Variants in CADM2 observed in about 807,000 individuals in gnomAD.
The protein encoded by CADM2 is immunoglobulin superfamily member 4D.
A neutral mutation model predicts 49.8 loss-of-function variants in CADM2; 12 were observed. That is an observed-to-expected ratio of 0.24 (90% CI 0.15 to 0.39). The LOEUF (loss-of-function observed/expected upper bound fraction) is 0.39. Ranked by LOEUF, CADM2 falls within the 10% of genes least tolerant of loss-of-function variation. The pLI, the probability that CADM2 is intolerant of heterozygous loss-of-function variation, is 1.00. For missense variants in CADM2, 378 were observed against 492.3 expected (o/e 0.77, Z 2.20); for synonymous variants, 214 against 175.4 (o/e 1.22, Z -1.74).
intron 1 of CADM2, among the ~76,000 whole-genome samples, chr3:85,052,385 A>G (rs902304489): frequency 2.0e-5 from 3 of 152,064 alleles, no homozygotes; most frequent in Non-Finnish European, 4.4e-5. Context: ...ACCCTACTCC[A>G]CAAACCCTGT....
At chr3:86,036,831 A>C (rs965238041) in intron 8 of CADM2, among the ~76,000 whole-genome samples, 6 of 152,196 alleles carry the variant, frequency 3.9e-5, no homozygotes, top group Non-Finnish European at 8.8e-5. Flanking sequence ...TGATGGTGGT[A>C]TGTGCCTGTT....
intron 1 of CADM2, among the ~76,000 whole-genome samples, chr3:85,596,092 ATATT>A (rs1397604383): frequency 9.9e-5 from 15 of 151,880 alleles, no homozygotes; most frequent in Admixed American, 7.9e-4. Flanking sequence ...TGCTTTCAGC[ATATT>A]TATTTATCTG....
At chr3:85,697,743 T>G (rs1215322013) in intron 1 of CADM2, among the ~76,000 whole-genome samples, 1 of 152,192 alleles carries the variant, frequency 6.6e-6, no homozygotes, top group Non-Finnish European at 1.5e-5. Context: ...AGTGTTCCAT[T>G]TCTTGGATTG....
intron 1 of CADM2, among the ~76,000 whole-genome samples, chr3:85,546,041 C>A (rs1190806115): frequency 6.6e-6 from 1 of 152,126 alleles, no homozygotes; most frequent in African/African-American, 2.4e-5. Context: ...ACATTCTATA[C>A]CTAAAATATA....
chr3:85,544,234 G>A (rs1412345435), intron 1 of CADM2, among the ~76,000 whole-genome samples: 1 of 152,144 alleles, frequency 6.6e-6, no homozygotes, highest in African/African-American at 2.4e-5. Flanking sequence ...TACAGTAAAG[G>A]AAGGCTGAAG....
At chr3:85,880,703 G>A (rs1184058055) in intron 3 of CADM2, among the ~76,000 whole-genome samples, 3 of 152,124 alleles carry the variant, frequency 2.0e-5, no homozygotes, top group Non-Finnish European at 4.4e-5. Context: ...ATTCTCTTGG[G>A]ATCCTTTCAA....
chr3:85,991,524 T>G (rs537522409), intron 8 of CADM2, among the ~76,000 whole-genome samples: 2 of 152,264 alleles, frequency 1.3e-5, no homozygotes, highest in East Asian at 3.9e-4. Context: ...CCTTGCCAAA[T>G]ATTAACACAC....
At chr3:85,084,886 A>G (rs1336610272) in intron 1 of CADM2, among the ~76,000 whole-genome samples, 1 of 152,010 alleles carries the variant, frequency 6.6e-6, no homozygotes, top group Non-Finnish European at 1.5e-5. Context: ...ATTCTTAATG[A>G]TAGGAGACCC....
At chr3:85,887,372 C>T (rs548731689) in intron 5 of CADM2, among the ~76,000 whole-genome samples, 1 of 152,312 alleles carries the variant, frequency 6.6e-6, no homozygotes, top group Admixed American at 6.5e-5. Flanking sequence ...TGTGAGCCAC[C>T]ATGCTCAGAC....
At chr3:84,968,054 G>A (rs943436575) in intron 1 of CADM2, among the ~76,000 whole-genome samples, 6 of 151,972 alleles carry the variant, frequency 3.9e-5, no homozygotes, top group Non-Finnish European at 5.9e-5. Flanking sequence ...AACCCTTTCA[G>A]GAGGTTTGGA....
chr3:85,308,337 ACAC>A (rs2044264966), intron 1 of CADM2, among the ~76,000 whole-genome samples: 3 of 148,644 alleles, frequency 2.0e-5, no homozygotes, highest in East Asian at 1.9e-4. Flanking sequence ...ACACACACAC[ACAC>A]AACACTCCAT....
chr3:85,461,041 C>G (rs2038222338), intron 1 of CADM2, among the ~76,000 whole-genome samples: 2 of 152,210 alleles, frequency 1.3e-5, no homozygotes, highest in South Asian at 4.1e-4. Context: ...AATTCACAAA[C>G]TTTATATTTC....
intron 1 of CADM2, among the ~76,000 whole-genome samples, chr3:85,216,943 A>G (rs1241571314): frequency 6.6e-6 from 1 of 152,038 alleles, no homozygotes; most frequent in Non-Finnish European, 1.5e-5. Flanking sequence ...CTGTTTTTGC[A>G]TTATATTATT....
chr3:84,977,695 A>G (rs2031910522), intron 1 of CADM2, among the ~76,000 whole-genome samples: 1 of 152,068 alleles, frequency 6.6e-6, no homozygotes, highest in South Asian at 2.1e-4. Context: ...ATTATTGGCT[A>G]CATATGTTCA....
chr3:85,373,648 G>C (rs1394074813), intron 1 of CADM2, among the ~76,000 whole-genome samples: 1 of 152,182 alleles, frequency 6.6e-6, no homozygotes, highest in African/African-American at 2.4e-5. Context: ...CACCCCTGCA[G>C]CACACCTCTG....
chr3:85,086,367 C>T (rs2037376110), intron 1 of CADM2, among the ~76,000 whole-genome samples: 1 of 151,904 alleles, frequency 6.6e-6, no homozygotes, highest in African/African-American at 2.4e-5. Context: ...ATGCCTCTCC[C>T]TGTCTCCCAC....
In CADM2 at chr3:85,382,279, T is replaced by C. The variant is rs908960634; in HGVS notation, c.62-344243T>C. 3.3e-5 allele frequency among the ~76,000 whole-genome samples: 5 copies of C among 152,134 alleles called. 1 individual carries two copies. The South Asian group carries it at 1.0e-3, about 32-fold the overall frequency. ...AGAAGTGCTTATATAGTTCTAGAAC[T>C]CTATGCTACAAAAAGGCCTCTATGA... On this transcript the variant is annotated intron_variant, in intron 1 of 9. Transcript: ENST00000383699.
intron 1 of CADM2, among the ~76,000 whole-genome samples, chr3:85,071,047 T>C (rs1436318081): frequency 2.6e-5 from 4 of 151,302 alleles, no homozygotes; most frequent in African/African-American, 9.7e-5. Context: ...AATAAAATAC[T>C]TATTATGTCT....
At chr3:85,999,034 AT>A (rs1444193202) in intron 8 of CADM2, among the ~76,000 whole-genome samples, 1 of 152,170 alleles carries the variant, frequency 6.6e-6, no homozygotes, top group Non-Finnish European at 1.5e-5. Context: ...TGGAAAAAAA[AT>A]AATGTATTCC....
Sources: allele counts gnomAD v4.1 joint callset (sites outside exome capture counted in the v4.1 genomes callset), GRCh38; gene constraint gnomAD v4.1.1; transcripts MANE v1.5; gene names NCBI Gene and HGNC (gene_info 2026-07-23, HGNC 2026-07-21).